The following CDH2 variants were observed in gnomAD, a reference collection of about 807,000 sequenced individuals.
CDH2 encodes the protein cadherin 2, also known as cadherin-2.
In CDH2, 17 loss-of-function variants were observed where a neutral mutation model predicts 92.0. That is an observed-to-expected ratio of 0.18 (90% CI 0.13 to 0.28). The LOEUF (loss-of-function observed/expected upper bound fraction) is 0.28. Among genes scored for constraint, CDH2 ranks in the 10% least tolerant of loss-of-function variants. CDH2 has a pLI of 1.00. For missense variants in CDH2, 862 were observed against 1,133.1 expected, an observed-to-expected ratio of 0.76 and a Z score of 3.44; for synonymous variants, 419 against 415.9, an observed-to-expected ratio of 1.01 and a Z score of -0.09.
At chr18:28,028,263 G>A (rs1326834747) in intron 2 of CDH2, among the ~76,000 whole-genome samples, 1 of 152,004 alleles carries the variant, frequency 6.6e-6, no homozygotes, top group East Asian at 1.9e-4. Flanking sequence ...TGTGTCCCCT[G>A]AGTAACCAAC....
At chr18:28,003,697 G>A (rs894103058) in intron 6 of CDH2, among the ~76,000 whole-genome samples, 1 of 152,190 alleles carries the variant, frequency 6.6e-6, no homozygotes, top group Admixed American at 6.5e-5. Flanking sequence ...TTCATGCACT[G>A]CTGTTTTGGT....
At position 27,951,940 on chromosome 18, in the gene CDH2, TA is replaced by T; in HGVS notation, c.*212del. On this transcript the variant is annotated 3_prime_UTR_variant, in exon 16 of 16. Transcript: ENST00000269141. ...ATAAAATCCCAGTGCTTCTGTACTG[TA>T]AAATTCAAGTGTAACTGAGCTCAGT... 1.8e-6 allele frequency: 1 copy of T among 570,918 alleles called. No individual in the cohort carries two copies. Among genetic ancestry groups the T allele is most frequent in the Non-Finnish European group, 3.1e-6 (1 of 319,302 alleles). The allele number at this position is 570,918 out of a possible 1,614,324, so 35.4% of individuals were successfully genotyped here. A position where few individuals can be genotyped will look rare whatever the true frequency, so the allele number is the denominator to read the frequency against.
intron 2 of CDH2, among the ~76,000 whole-genome samples, chr18:28,131,681 G>C (rs976615176): frequency 6.0e-5 from 3 of 50,300 alleles, no homozygotes; most frequent in Admixed American, 2.3e-4. Flanking sequence ...AAAAGCATTT[G>C]TGGTGTGTGT....
intron 2 of CDH2, among the ~76,000 whole-genome samples, chr18:28,040,250 G>A (rs2013922930): frequency 6.6e-6 from 1 of 152,074 alleles, no homozygotes; most frequent in African/African-American, 2.4e-5. Flanking sequence ...CAGAATTCTT[G>A]TATGATCAAG....
chr18:28,063,768 C>T (rs1346930143), intron 2 of CDH2, among the ~76,000 whole-genome samples: 1 of 152,128 alleles, frequency 6.6e-6, no homozygotes, highest in Non-Finnish European at 1.5e-5. Flanking sequence ...AACTTCATAC[C>T]ATTTAAACTA....
rs1421290348 is a variant in CDH2 at position 28,144,097 on chromosome 18, T to C, written c.172+3576A>G. Among the ~76,000 whole-genome samples the C allele has an allele frequency of 2.0e-5, 3 of 151,590 alleles. No individual in the cohort carries two copies. In the South Asian group the frequency reaches 6.2e-4, roughly 32 times the overall value. ...GGTTGATAGATGCAGCAAACCACCA[T>C]GGCACATGTATACTTATGTAACAAA... is the stretch of plus-strand genomic sequence containing the variant. On this transcript the variant is annotated intron_variant, in intron 2 of 15. Coordinates refer to ENST00000269141, the MANE Select transcript of CDH2 (RefSeq NM_001792.5).
chr18:28,001,540 C>T (rs17462927), intron 7 of CDH2, among the ~76,000 whole-genome samples: 6 of 152,204 alleles, frequency 3.9e-5, no homozygotes, highest in South Asian at 2.1e-4. Context: ...CTGAGTTTAT[C>T]GGCATATAAA....
intron 1 of CDH2, among the ~76,000 whole-genome samples, chr18:28,151,090 G>A (rs1056873956): frequency 6.6e-6 from 1 of 152,216 alleles, no homozygotes. Context: ...GGCTGTGACT[G>A]ATACCAGGTA....
chr18:27,980,460 T>G (rs1193442308), intron 14 of CDH2, among the ~76,000 whole-genome samples: 1 of 152,192 alleles, frequency 6.6e-6, no homozygotes, highest in Non-Finnish European at 1.5e-5. Context: ...TGAACCAGTT[T>G]AGAGATAGAG....
chr18:28,019,252 C>G (rs929950976), intron 2 of CDH2, among the ~76,000 whole-genome samples: 1 of 151,712 alleles, frequency 6.6e-6, no homozygotes, highest in African/African-American at 2.4e-5. Context: ...AAAACTTATT[C>G]ATGGAACCAA....
intron 15 of CDH2, among the ~76,000 whole-genome samples, chr18:27,958,800 C>T (rs1047319099): frequency 9.9e-5 from 15 of 152,182 alleles, no homozygotes; most frequent in East Asian, 5.8e-4. Flanking sequence ...CCTATGCTGC[C>T]GCTCTCACGA....
At chr18:28,090,033 A>C (rs543944208) in intron 2 of CDH2, among the ~76,000 whole-genome samples, 1 of 152,374 alleles carries the variant, frequency 6.6e-6, no homozygotes, top group East Asian at 1.9e-4. Context: ...GCATAACTAC[A>C]AAAAATTATT....
At chr18:28,023,504 T>G (rs1225850179) in intron 2 of CDH2, among the ~76,000 whole-genome samples, 7 of 168 alleles carry the variant, frequency 0.042, no homozygotes, top group Admixed American at 0.27. Flanking sequence ...TTGTTATTTT[T>G]TAGTAGGACA....
At chr18:28,130,088 T>C (rs1202811261) in intron 2 of CDH2, among the ~76,000 whole-genome samples, 5 of 152,186 alleles carry the variant, frequency 3.3e-5, no homozygotes, top group African/African-American at 1.2e-4. Flanking sequence ...CAGATGATTG[T>C]AGAGCATAAA....
intron 5 of CDH2, among the ~76,000 whole-genome samples, chr18:28,007,166 ATATATATATAT>A (rs1205755088): frequency 3.7e-5 from 3 of 80,750 alleles, no homozygotes; most frequent in African/African-American, 1.2e-4. Flanking sequence ...TAAAAAAAAA[ATATATATATAT>A]ATATATATAT....
intron 1 of CDH2, among the ~76,000 whole-genome samples, chr18:28,175,325 G>C (rs964108534): frequency 6.6e-6 from 1 of 152,204 alleles, no homozygotes; most frequent in African/African-American, 2.4e-5. Flanking sequence ...GGCGGATGGC[G>C]AGTGGGGGAA....
intron 14 of CDH2, among the ~76,000 whole-genome samples, chr18:27,966,962 G>A (rs1465392358): frequency 1.3e-5 from 2 of 152,104 alleles, no homozygotes; most frequent in Admixed American, 1.3e-4. Context: ...AATGTGACTT[G>A]GATCACATTA....
chr18:28,006,015 A>T (rs370516170), intron 5 of CDH2, 22 bp from the exon 6 acceptor site: 82 of 1,583,796 alleles, frequency 5.2e-5, no homozygotes, highest in Non-Finnish European at 6.5e-5. Context: ...ATTAGAAAAC[A>T]ACTATTTAAC....
intron 2 of CDH2, among the ~76,000 whole-genome samples, chr18:28,119,455 C>T (rs1050310888): frequency 2.0e-5 from 3 of 152,110 alleles, no homozygotes; most frequent in Non-Finnish European, 4.4e-5. Flanking sequence ...TACATACAAT[C>T]AGATCCTTAA....
Sources: gnomAD v4.1 joint callset for allele counts (sites outside exome capture counted in the v4.1 genomes callset) on GRCh38, gnomAD v4.1.1 for gene constraint, MANE v1.5 for transcripts, NCBI Gene and HGNC (gene_info 2026-07-23, HGNC 2026-07-21) for gene names.